CAMTA1: variants seen among roughly 807,000 people sequenced by gnomAD.
CAMTA1 encodes the protein calmodulin binding transcription activator 1.
A neutral mutation model predicts 170.9 loss-of-function variants in CAMTA1; 27 were observed. That is an observed-to-expected ratio of 0.16 (90% CI 0.12 to 0.22). The LOEUF is 0.22. Ranked by LOEUF, CAMTA1 falls within the 10% of genes least tolerant of loss-of-function variation. The pLI, the probability that CAMTA1 is intolerant of heterozygous loss-of-function variation, is 1.00. For missense variants in CAMTA1, 1,619 were observed against 2,217.2 expected, an observed-to-expected ratio of 0.73 and a Z score of 5.42; for synonymous variants, 833 against 891.5, an observed-to-expected ratio of 0.93 and a Z score of 1.17.
intron 3 of CAMTA1, among the ~76,000 whole-genome samples, chr1:6,925,474 A>G (rs1460905820): frequency 1.3e-5 from 2 of 152,198 alleles, no homozygotes; most frequent in Non-Finnish European, 2.9e-5. Flanking sequence ...GAATGGCTCA[A>G]ATTGCCTCTT....
At chr1:6,791,067 CT>C (rs1266695308) in intron 1 of CAMTA1, among the ~76,000 whole-genome samples, 1 of 145,508 alleles carries the variant, frequency 6.9e-6, no homozygotes, top group Non-Finnish European at 1.5e-5. Context: ...TTATACAGAT[CT>C]TTTCCTAAGG....
intron 5 of CAMTA1, among the ~76,000 whole-genome samples, chr1:7,329,587 A>G (rs2082895730): frequency 6.6e-6 from 1 of 152,180 alleles, no homozygotes; most frequent in Admixed American, 6.5e-5. Context: ...TGACAGCTGA[A>G]GGGACTTAGA....
At chr1:7,654,752 T>C (rs1238287568) in intron 7 of CAMTA1, among the ~76,000 whole-genome samples, 3 of 37,948 alleles carry the variant, frequency 7.9e-5, no homozygotes, top group East Asian at 3.4e-3. Flanking sequence ...TACACACACA[T>C]ATACAAACAC....
At chr1:7,676,007 C>T (rs778113232) in intron 10 of CAMTA1, among the ~76,000 whole-genome samples, 1 of 152,238 alleles carries the variant, frequency 6.6e-6, no homozygotes, top group Non-Finnish European at 1.5e-5. Flanking sequence ...GCCATCCCCC[C>T]CGACCCCAAG....
intron 3 of CAMTA1, among the ~76,000 whole-genome samples, chr1:7,012,662 C>T (rs902097228): frequency 1.3e-5 from 2 of 152,198 alleles, no homozygotes; most frequent in African/African-American, 2.4e-5. Flanking sequence ...CTCTCTGTGA[C>T]GCACTTCCTT....
intron 5 of CAMTA1, among the ~76,000 whole-genome samples, chr1:7,449,755 G>A (rs1431915685): frequency 8.2e-6 from 1 of 122,438 alleles, no homozygotes; most frequent in African/African-American, 3.1e-5. Context: ...GGGCAACAGA[G>A]CAAGACTCGG....
intron 6 of CAMTA1, among the ~76,000 whole-genome samples, chr1:7,604,017 C>G (rs2095466935): frequency 6.6e-6 from 1 of 152,230 alleles, no homozygotes; most frequent in Non-Finnish European, 1.5e-5. Flanking sequence ...GGCCCCCACT[C>G]TCTTCTGGCT....
At chr1:7,499,156 G>A (rs1575643530) in intron 6 of CAMTA1, among the ~76,000 whole-genome samples, 1 of 95,714 alleles carries the variant, frequency 1.0e-5, no homozygotes, top group African/African-American at 4.1e-5. Flanking sequence ...ACGTATATGA[G>A]TGTGTGTGTG....
chr1:7,048,290 G>T (rs1270392656), intron 3 of CAMTA1, among the ~76,000 whole-genome samples: 1 of 152,106 alleles, frequency 6.6e-6, no homozygotes, highest in Non-Finnish European at 1.5e-5. Flanking sequence ...TGGAAAAAAG[G>T]GGAAAAAGAG....
At chr1:6,922,210 C>T (rs1274928345) in intron 3 of CAMTA1, among the ~76,000 whole-genome samples, 1 of 152,076 alleles carries the variant, frequency 6.6e-6, no homozygotes, top group African/African-American at 2.4e-5. Flanking sequence ...TGTTCTGGGT[C>T]CCCAGGCCTC....
chr1:7,095,506 A>G lies in CAMTA1; in HGVS notation c.302+4135A>G, dbSNP rs1033797409. 3.3e-5 allele frequency among the ~76,000 whole-genome samples: 5 copies of G among 152,328 alleles called. No homozygotes were observed. The East Asian group carries it at 7.7e-4, about 24-fold the overall frequency. On this transcript the variant is annotated intron_variant, in intron 4 of 22. Coordinates refer to ENST00000303635, the MANE Select transcript of CAMTA1 (RefSeq NM_015215.4). ...AAGGTACGTGCCCTCCTGGGACTGCATGGTGAGTCCGTGCTAGAACTGGAA... is the reference window on the plus strand; with the variant it reads ...AAGGTACGTGCCCTCCTGGGACTGCGTGGTGAGTCCGTGCTAGAACTGGAA...
intron 6 of CAMTA1, among the ~76,000 whole-genome samples, chr1:7,499,092 T>A: frequency 6.8e-6 from 1 of 147,588 alleles, no homozygotes; most frequent in Non-Finnish European, 1.5e-5. Flanking sequence ...TGTGTGCATG[T>A]GTGTCCATGA....
intron 5 of CAMTA1, among the ~76,000 whole-genome samples, chr1:7,417,834 T>C (rs1218655788): frequency 6.6e-6 from 1 of 152,114 alleles, no homozygotes; most frequent in Non-Finnish European, 1.5e-5. Flanking sequence ...GTACCTCAGA[T>C]AGAAATGCAG....
intron 3 of CAMTA1, among the ~76,000 whole-genome samples, chr1:7,006,031 G>T (rs1202312614): frequency 6.6e-6 from 1 of 152,176 alleles, no homozygotes; most frequent in African/African-American, 2.4e-5. Flanking sequence ...GGTAGCATTG[G>T]GTGTGGAGCA....
chr1:7,439,508 G>T (rs1490589208), intron 5 of CAMTA1, among the ~76,000 whole-genome samples: 2 of 152,180 alleles, frequency 1.3e-5, no homozygotes, highest in Non-Finnish European at 2.9e-5. Flanking sequence ...CGATTCACCT[G>T]CCTGAGTCTG....
chr1:7,185,270 C>T (rs1653027175), intron 4 of CAMTA1, among the ~76,000 whole-genome samples: 1 of 152,092 alleles, frequency 6.6e-6, no homozygotes, highest in African/African-American at 2.4e-5. Context: ...AAACCTACCA[C>T]CCTGATTTTT....
intron 5 of CAMTA1, among the ~76,000 whole-genome samples, chr1:7,384,471 A>G (rs1370338614): frequency 6.6e-6 from 1 of 152,136 alleles, no homozygotes; most frequent in African/African-American, 2.4e-5. Flanking sequence ...ATATGAGTCG[A>G]TGTGTGGGCC....
rs888012954 is a variant in CAMTA1 at position 7,634,567 on chromosome 1, G to A, written c.511-5833G>A. Among the ~76,000 whole-genome samples the A allele has an allele frequency of 1.3e-5, 2 of 152,030 alleles. No homozygotes were observed. Among genetic ancestry groups the A allele is most frequent in the Non-Finnish European group, 2.9e-5 (2 of 67,998 alleles). ...TCAGGACACTGGATGAGGCCACTAA[G>A]GAGGGAGAGAGGGAAAGAGGGAGAA... On this transcript the variant is annotated intron_variant, in intron 6 of 22. Coordinates refer to ENST00000303635, the MANE Select transcript of CAMTA1 (RefSeq NM_015215.4). The surrounding 1 kb of genome is among the most constrained non-coding windows in gnomAD (Gnocchi z 6.2).
At chr1:7,274,699 T>A (rs1221197230) in intron 5 of CAMTA1, among the ~76,000 whole-genome samples, 1 of 152,192 alleles carries the variant, frequency 6.6e-6, no homozygotes, top group East Asian at 1.9e-4. Flanking sequence ...AAAACAAATC[T>A]CATTACATTT....
Sources: gnomAD v4.1 joint callset for allele counts (sites outside exome capture counted in the v4.1 genomes callset) on GRCh38, gnomAD v4.1.1 for gene constraint, Gnocchi (gnomAD v3.1) non-coding constraint, MANE v1.5 for transcripts, NCBI Gene and HGNC (gene_info 2026-07-23, HGNC 2026-07-21) for gene names.